The following TTC34 variants were observed in gnomAD, a reference collection of about 807,000 sequenced individuals.
TTC34 encodes the protein tetratricopeptide repeat protein 34.
Under a neutral mutation model 40.7 loss-of-function variants are expected in TTC34, and 44 were observed. The ratio of observed to expected loss-of-function variants is 1.08; its 90% CI spans 0.85 to 1.39. The LOEUF (loss-of-function observed/expected upper bound fraction) is 1.39, where lower values mean the gene tolerates loss of function less well. Among genes scored for constraint, TTC34 ranks in the 40% most tolerant of loss-of-function variants. The pLI, the probability that TTC34 is intolerant of heterozygous loss-of-function variation, is 0.00. For missense variants in TTC34, 884 were observed against 838.0 expected (o/e 1.05, Z -0.68); for synonymous variants, 422 against 398.6 (o/e 1.06, Z -0.70).
intron 2 of TTC34, among the ~76,000 whole-genome samples, chr1:2,794,897 T>C (rs953839932): frequency 6.6e-6 from 1 of 152,220 alleles, no homozygotes; most frequent in Non-Finnish European, 1.5e-5. Context: ...TATATAATTC[T>C]GGAAACATAA....
intron 6 of TTC34, among the ~76,000 whole-genome samples, chr1:2,656,416 C>G (rs76448460): frequency 4.1e-4 from 10 of 24,232 alleles, no homozygotes; most frequent in African/African-American, 4.1e-4. Context: ...GCACCCACAC[C>G]CCCAGGTGAG....
At chr1:2,680,584 C>G (rs1477405150) in intron 6 of TTC34, among the ~76,000 whole-genome samples, 2 of 138,924 alleles carry the variant, frequency 1.4e-5, no homozygotes, top group Admixed American at 7.3e-5. Context: ...CCCACACCCC[C>G]AGGTGAGCAT....
intron 6 of TTC34, among the ~76,000 whole-genome samples, chr1:2,685,101 T>C (rs138998430): frequency 0.043 from 691 of 16,162 alleles, no homozygotes; most frequent in East Asian, 0.061. Context: ...ACGTGACAGC[T>C]TGGATCAGCA....
Position 2,785,807 on chromosome 1 carries a change from G to T in TTC34, c.2059+12C>A, listed in dbSNP as rs10910011. On this transcript the variant is annotated intron_variant, in intron 5 of 8. Transcript: ENST00000401095. ...CAAGACTGGGCCCTGGGGGCAGGTG[G>T]GCAGCTCCTACCTGCGGCAAAGATG... The T allele has an allele frequency of 1.9e-6, 3 of 1,542,630 alleles. No individual in the cohort carries two copies. The South Asian group carries it at 3.6e-5, about 18-fold the overall frequency.
At position 2,748,827 on chromosome 1, in the gene TTC34, G is replaced by A. The variant is rs1328845229; in HGVS notation, c.2226+34782C>T. On this transcript the variant is annotated intron_variant, in intron 6 of 8. Coordinates refer to ENST00000401095, the Ensembl canonical transcript of TTC34. Reference sequence around the variant, plus strand: ...CACAGGCGAGCATCTGACAGCCTCGGTCGGCACCCACAAACCCAGGTGAGC... The same window carrying A: ...CACAGGCGAGCATCTGACAGCCTCGATCGGCACCCACAAACCCAGGTGAGC... Among the ~76,000 whole-genome samples the A allele has an allele frequency of 2.7e-5, 3 of 112,388 alleles. 1 individual carries two copies. Among genetic ancestry groups the A allele is most frequent in the African/African-American group, 1.2e-4 (3 of 24,850 alleles). The allele number at this position is 112,388 out of a possible 152,430, so 73.7% of individuals were successfully genotyped here.
intron 6 of TTC34, among the ~76,000 whole-genome samples, chr1:2,687,067 T>C (rs1279172897): frequency 7.0e-6 from 1 of 143,012 alleles, no homozygotes; most frequent in Non-Finnish European, 1.5e-5. Flanking sequence ...TCCGACAGCC[T>C]GGAGCAGGAC....
chr1:2,791,906 C>T (rs538453417), intron 2 of TTC34, among the ~76,000 whole-genome samples: 3 of 150,340 alleles, frequency 2.0e-5, no homozygotes, highest in African/African-American at 4.9e-5. Context: ...TTCTTCGTAT[C>T]GAGTAATTTC....
intron 6 of TTC34, among the ~76,000 whole-genome samples, chr1:2,767,844 C>A (rs1010947909): frequency 2.0e-5 from 3 of 151,016 alleles, no homozygotes; most frequent in African/African-American, 7.3e-5. Context: ...GCAGCACCCA[C>A]ACCCCCAGGT....
intron 6 of TTC34, among the ~76,000 whole-genome samples, chr1:2,756,895 C>T (rs1641525000): frequency 1.3e-5 from 2 of 152,216 alleles, no homozygotes; most frequent in African/African-American, 2.4e-5. Context: ...TGGTCTGGAG[C>T]AGTACCCACA....
At chr1:2,675,024 T>C in intron 6 of TTC34, among the ~76,000 whole-genome samples, 1 of 135,308 alleles carries the variant, frequency 7.4e-6, no homozygotes, top group African/African-American at 2.7e-5. Flanking sequence ...TCTGATGGTC[T>C]GGAGCAGCAC....
intron 6 of TTC34, among the ~76,000 whole-genome samples, chr1:2,699,674 G>T (rs1336881482): frequency 3.6e-5 from 2 of 55,128 alleles, no homozygotes; most frequent in Non-Finnish European, 4.9e-5. Flanking sequence ...GCATCTGACA[G>T]CCTGGAGCAG....
exon 9 of TTC34, chr1:2,640,105 T>C (rs1638872042): frequency 6.6e-6 from 1 of 152,210 alleles, no homozygotes; most frequent in African/African-American, 2.4e-5. Context: ...GGGACAGAAA[T>C]GGGACAAATG....
intron 6 of TTC34, among the ~76,000 whole-genome samples, chr1:2,767,752 AG>A (rs1359826287): frequency 1.2e-3 from 164 of 142,128 alleles, no homozygotes; most frequent in African/African-American, 4.2e-3. Flanking sequence ...GACAGAATAA[AG>A]CAGCACCCTG....
chr1:2,697,575 A>C, intron 6 of TTC34, among the ~76,000 whole-genome samples: 1 of 151,494 alleles, frequency 6.6e-6, no homozygotes, highest in African/African-American at 2.4e-5. Flanking sequence ...CCCCCAGGTG[A>C]GCATCCGACA....
At chr1:2,779,709 A>T (rs1643448813) in intron 6 of TTC34, among the ~76,000 whole-genome samples, 1 of 152,288 alleles carries the variant, frequency 6.6e-6, no homozygotes, top group South Asian at 2.1e-4. Flanking sequence ...AATAGTGCAG[A>T]AGGTTCCAGT....
chr1:2,752,992 A>T (rs1641375183), intron 6 of TTC34, among the ~76,000 whole-genome samples: 7 of 143,212 alleles, frequency 4.9e-5, no homozygotes, highest in South Asian at 2.3e-4. Context: ...TGAGCATCTG[A>T]CCGCATGGAA....
At chr1:2,687,860 T>A (rs1640436333) in intron 6 of TTC34, among the ~76,000 whole-genome samples, 1 of 138,258 alleles carries the variant, frequency 7.2e-6, no homozygotes, top group African/African-American at 3.1e-5. Context: ...CAGTTGAGCA[T>A]CTGACAGCCT....
chr1:2,700,083 G>C (rs909925890), intron 6 of TTC34, among the ~76,000 whole-genome samples: 4 of 120,090 alleles, frequency 3.3e-5, no homozygotes, highest in African/African-American at 1.1e-4. Flanking sequence ...ACCTGGAGCA[G>C]CACCCACAGT....
intron 6 of TTC34, among the ~76,000 whole-genome samples, chr1:2,660,632 CA>C (rs1287116369): frequency 2.4e-5 from 1 of 41,292 alleles, no homozygotes; most frequent in African/African-American, 7.2e-5. Flanking sequence ...CACCCACAAC[CA>C]GAGGTGAGCA....
Sources: allele counts gnomAD v4.1 joint callset (sites outside exome capture counted in the v4.1 genomes callset), GRCh38; gene constraint gnomAD v4.1.1; transcripts MANE v1.5; gene names NCBI Gene and HGNC (gene_info 2026-07-23, HGNC 2026-07-21).